UHRF1: variants seen among roughly 807,000 people sequenced by gnomAD.
UHRF1 encodes the protein E3 ubiquitin-protein ligase UHRF1.
A neutral mutation model predicts 96.5 loss-of-function variants in UHRF1; 9 were observed. The observed-to-expected ratio is 0.09, with a 90% CI of 0.06 to 0.16. UHRF1 has a LOEUF of 0.16. UHRF1 is among the 10% of genes least tolerant of loss of function. The pLI is 1.00. For synonymous variants in UHRF1, 455 were observed against 469.9 expected (o/e 0.97, Z 0.41); for missense variants, 626 against 1,131.1 (o/e 0.55, Z 6.40).
At chr19:4,952,705 T>G (rs2033751726) in intron 13 of UHRF1, among the ~76,000 whole-genome samples, 2 of 151,440 alleles carry the variant, frequency 1.3e-5, no homozygotes, top group South Asian at 4.2e-4. Context: ...TTTTTATGAC[T>G]CTCATCTCCA....
rs2033008498 is a variant in UHRF1, at chr19:4,930,337, G to C, written c.409-379G>C. Among the ~76,000 whole-genome samples, 1 of 152,104 alleles carries C rather than the reference G, an allele frequency of 6.6e-6. No individual in the cohort carries two copies. On this transcript the variant is annotated intron_variant, in intron 3 of 16. Transcript: ENST00000650932. The surrounding 1 kb of genome is among the most constrained non-coding windows in gnomAD (Gnocchi z 4.4). ...TGCCCAGGCTAGTCTTGAATTCCGG[G>C]GCTCAAGCGATCCACCTGCCTCGGC...
intron 2 of UHRF1, among the ~76,000 whole-genome samples, chr19:4,923,377 G>T (rs1442867808): frequency 6.6e-6 from 1 of 151,990 alleles, no homozygotes; most frequent in African/African-American, 2.4e-5. Context: ...GCAGCCCCTC[G>T]CCCAGGGCTG....
At chr19:4,935,183 G>A (rs1319467536) in intron 5 of UHRF1, among the ~76,000 whole-genome samples, 1 of 152,060 alleles carries the variant, frequency 6.6e-6, no homozygotes, top group African/African-American at 2.4e-5. Flanking sequence ...GCCCAGGCTG[G>A]TCTTGAACTC....
chr19:4,926,827 G>A (rs1466132592), intron 2 of UHRF1, among the ~76,000 whole-genome samples: 3 of 152,136 alleles, frequency 2.0e-5, no homozygotes, highest in African/African-American at 4.8e-5. Context: ...CACTTTGGAA[G>A]GTTGAGGTGG....
upstream of UHRF1, among the ~76,000 whole-genome samples, chr19:4,908,789 C>G (rs2032132076): frequency 6.6e-6 from 1 of 152,208 alleles, no homozygotes; most frequent in Non-Finnish European, 1.5e-5. Flanking sequence ...CTGAGACCAC[C>G]AACTGGGTCT....
chr19:4,957,093 G>A (rs1453946345), intron 16 of UHRF1, among the ~76,000 whole-genome samples: 1 of 152,124 alleles, frequency 6.6e-6, no homozygotes, highest in Non-Finnish European at 1.5e-5. Flanking sequence ...ACATCCCCTA[G>A]GGGTCAGGAA....
chr19:4,920,999 C>T (rs138161790), intron 2 of UHRF1, among the ~76,000 whole-genome samples: 1,891 of 152,096 alleles, frequency 0.012, 15 homozygotes, highest in Non-Finnish European at 0.021. Flanking sequence ...TGGCATGCAC[C>T]TGCAGTCCCA....
rs755884664 is a variant in UHRF1, at chr19:4,932,781, G to A, written c.610G>A (p.Val204Ile). 2.4e-5 allele frequency: 39 copies of A among 1,613,762 alleles called. No individual in the cohort carries two copies. Among genetic ancestry groups the A allele is most frequent in the Non-Finnish European group, 2.0e-5 (24 of 1,179,900 alleles). Reference sequence around the variant, plus strand: ...CGTGGTCCAGATGAACTCCAGGGACGTCCGAGCGCGCGCCCGCACCATCAT... The same window carrying A: ...CGTGGTCCAGATGAACTCCAGGGACATCCGAGCGCGCGCCCGCACCATCAT... ...NGVVQMNSRDVRARARTIIKW... is the reference protein window; with the variant it reads ...NGVVQMNSRDIRARARTIIKW... The change falls in exon 5 of 17, where the codon GTC becomes ATC. Residue 204 changes from valine (V) to isoleucine (I), a missense_variant. By Grantham distance (29) the Val-to-Ile change is conservative. Around this residue, in one of 11 missense-constraint regions of UHRF1, gnomAD observed 198 missense variants for 235.1 expected, o/e 0.84. Transcript: ENST00000650932.
Position 4,911,580 on chromosome 19 carries a change from C to T in UHRF1, c.153+542C>T, listed in dbSNP as rs913362461. On this transcript the variant is annotated intron_variant, in intron 2 of 16. Transcript: ENST00000650932. ...CCGCCACCCTGAGCCTGCTGTGCTG[C>T]GGCTGCTGCTGACCTGGGGCGTGTG... Among the ~76,000 whole-genome samples, 9 of 152,176 alleles carry T rather than the reference C, an allele frequency of 5.9e-5. No individual in the cohort carries two copies. In the South Asian group the frequency reaches 6.2e-4, roughly 10 times the overall value.
Position 4,930,806 on chromosome 19 carries a change from G to A in UHRF1, c.499G>A (p.Asp167Asn). Residue 167 changes from aspartate to asparagine, a missense_variant, in exon 4 of 17, where the codon GAC becomes AAC. Asp to Asn is a conservative substitution (Grantham distance 23). Around this residue, in one of 11 missense-constraint regions of UHRF1, gnomAD observed 198 missense variants for 235.1 expected, o/e 0.84. Transcript: ENST00000650932. This position sits in a 1 kb window ranked among gnomAD's most constrained non-coding sequence, Gnocchi z 4.4. ...GGTGACGCGGAAGGCCCCCTCCCGG[G>A]ACGAGCCCTGCAGCTCCACGTCCAG... ...VRVTRKAPSR[D>N]EPCSSTSRPA... 6.2e-7 allele frequency: 1 copy of A among 1,613,990 alleles called. No homozygotes were observed. Among genetic ancestry groups the A allele is most frequent in the Non-Finnish European group, 8.5e-7 (1 of 1,179,892 alleles).
At chr19:4,914,699 CTT>C (rs2032424141) in intron 2 of UHRF1, among the ~76,000 whole-genome samples, 1 of 150,254 alleles carries the variant, frequency 6.7e-6, no homozygotes, top group African/African-American at 2.5e-5. Context: ...CAATAGCTGT[CTT>C]TTGCGGCACC....
intron 16 of UHRF1, among the ~76,000 whole-genome samples, chr19:4,957,933 AC>A (rs539485546): frequency 6.6e-6 from 1 of 152,154 alleles, no homozygotes; most frequent in South Asian, 2.1e-4. Flanking sequence ...GAAGGGACTG[AC>A]CCTGCCACCC....
rs1414724760 is a variant in UHRF1 at position 4,932,936 on chromosome 19, C to T, written c.765C>T (p.Leu255=). ...RKRETRTARE[L]YANVVLGDDS... ...GCGAGACCAGGACGGCGCGGGAACTCTACGCCAACGTGGTGCTGGGGTGAG... is the reference window on the plus strand; with the variant it reads ...GCGAGACCAGGACGGCGCGGGAACTTTACGCCAACGTGGTGCTGGGGTGAG... Residue 255 remains leucine (L), a synonymous_variant, in exon 5 of 17, where the codon CTC becomes CTT. Coordinates refer to ENST00000650932, the MANE Select transcript of UHRF1 (RefSeq NM_001048201.3). 1 of 1,612,700 alleles carries T rather than the reference C, an allele frequency of 6.2e-7. No individual in the cohort carries two copies. The highest frequency in any genetic ancestry group is 8.5e-7 in the Non-Finnish European group (1 of 1,179,460).
At chr19:4,913,499 C>T (rs2032366772) in intron 2 of UHRF1, among the ~76,000 whole-genome samples, 1 of 152,066 alleles carries the variant, frequency 6.6e-6, no homozygotes, top group African/African-American at 2.4e-5. Context: ...AGGTGATCCA[C>T]CTACCTCCGT....
intron 2 of UHRF1, among the ~76,000 whole-genome samples, chr19:4,915,678 CCAGCCTGGGCGA>C (rs1287897543): frequency 6.6e-6 from 1 of 152,090 alleles, no homozygotes; most frequent in Non-Finnish European, 1.5e-5. Context: ...CCACTGCACT[CCAGCCTGGGCGA>C]CAGAGCAAGA....
chr19:4,912,016 G>C lies in UHRF1; in HGVS notation c.153+978G>C, dbSNP rs899007749. ...CTGCGCCCGGCCAGGGGTTTTTGGG[G>C]GCTGGGAGGATCATGCCTGCTCACT... On this transcript the variant is annotated intron_variant, in intron 2 of 16. Transcript: ENST00000650932. Among the ~76,000 whole-genome samples, 68 of 152,142 alleles carry C rather than the reference G, an allele frequency of 4.5e-4. 2 individuals carry two copies. The highest frequency in any genetic ancestry group is 1.8e-4 in the Non-Finnish European group (12 of 68,032).
intron 5 of UHRF1, among the ~76,000 whole-genome samples, chr19:4,940,513 C>T (rs374862748): frequency 1.3e-4 from 19 of 151,160 alleles, no homozygotes; most frequent in East Asian, 1.9e-4. Flanking sequence ...ATTACAGGCA[C>T]GGGCCACCAT....
intron 11 of UHRF1, among the ~76,000 whole-genome samples, chr19:4,948,101 C>CAA (rs545933981): frequency 0.01 from 771 of 75,654 alleles, 17 homozygotes; most frequent in African/African-American, 0.028. Context: ...GAGATCTTGT[C>CAA]AAAAAAAAAA....
Position 4,941,278 on chromosome 19 carries a change from G to GT in UHRF1, c.786-250_786-249insT, listed in dbSNP as rs1568423604. On this transcript the variant is annotated intron_variant, in intron 5 of 16. Transcript: ENST00000650932. ...GCTAATTTTTGTATTTTCAGTGGAG[G>GT]CGGGGGTTCACCATGTTGGCCAGGC... Among the ~76,000 whole-genome samples the GT allele has an allele frequency of 2.7e-5, 4 of 148,134 alleles. No homozygotes were observed. In the South Asian group the frequency reaches 6.5e-4, roughly 24 times the overall value.
Sources: gnomAD v4.1 joint callset for allele counts (sites outside exome capture counted in the v4.1 genomes callset) on GRCh38, gnomAD v4.1.1 for gene constraint, gnomAD v4.1.1 regional missense constraint, Gnocchi (gnomAD v3.1) non-coding constraint, MANE v1.5 for transcripts, NCBI Gene and HGNC (gene_info 2026-07-23, HGNC 2026-07-21) for gene names.